SUMF1: variants seen among roughly 807,000 people sequenced by gnomAD.
SUMF1 encodes formylglycine-generating enzyme.
In SUMF1, 48 loss-of-function variants were observed where a neutral mutation model predicts 47.6. The ratio of observed to expected loss-of-function variants is 1.01; its 90% CI spans 0.80 to 1.28. The LOEUF (loss-of-function observed/expected upper bound fraction) is 1.28. Among genes scored for constraint, SUMF1 ranks in the 50% most tolerant of loss-of-function variants. The pLI is 0.00. For synonymous variants in SUMF1, 230 were observed against 192.1 expected (o/e 1.20, Z -1.63); for missense variants, 571 against 485.4 (o/e 1.18, Z -1.66).
At chr3:4,302,404 G>A (rs1697991130) in intron 8 of SUMF1, among the ~76,000 whole-genome samples, 2 of 152,130 alleles carry the variant, frequency 1.3e-5, no homozygotes, top group Non-Finnish European at 2.9e-5. Context: ...CAATAGAAAC[G>A]AATGTCTGGG....
In SUMF1 at chr3:4,420,014, C is replaced by T. The variant is rs711666; in HGVS notation, c.602+50G>A. The T allele has an allele frequency of 0.98, 1,452,905 of 1,485,362 alleles. 713,971 individuals are homozygous for T. Among genetic ancestry groups the T allele is most frequent in the Non-Finnish European group, 1 (1,061,594 of 1,063,322 alleles). 92.0% of individuals were successfully genotyped at this position (1,485,362 alleles called of 1,614,324 possible). On this transcript the variant is annotated intron_variant, in intron 4 of 8. Coordinates refer to ENST00000272902, the MANE Select transcript of SUMF1 (RefSeq NM_182760.4). ...AGTTCTTTTGCAAGAGCAAAGGGTA[C>T]CTATTTTGCAATGGAACTTGTCAAC... is the stretch of plus-strand genomic sequence containing the variant.
chr3:4,334,169 A>T (rs1235747665), intron 8 of SUMF1, among the ~76,000 whole-genome samples: 1 of 152,166 alleles, frequency 6.6e-6, no homozygotes, highest in Admixed American at 6.6e-5. Flanking sequence ...AAATTCCAAA[A>T]AACAGGAAAC....
intron 8 of SUMF1, among the ~76,000 whole-genome samples, chr3:4,354,817 AGGAAGCACTTATCCCAGTATCTG>A (rs372712241): frequency 2.0e-5 from 3 of 152,328 alleles, no homozygotes; most frequent in Middle Eastern, 3.4e-3. Flanking sequence ...ACAAGTACCT[AGGAAGCACTTATCCCAGTATCTG>A]GGAAGCACTT....
chr3:4,106,151 G>A (rs904281890), intron 8 of SUMF1, among the ~76,000 whole-genome samples: 2 of 151,854 alleles, frequency 1.3e-5, no homozygotes, highest in African/African-American at 4.8e-5. Context: ...TTTCTGTAGG[G>A]TTCCCGTGGC....
chr3:4,373,814 G>A (rs1355762439), intron 8 of SUMF1, among the ~76,000 whole-genome samples: 4 of 146,510 alleles, frequency 2.7e-5, no homozygotes, highest in East Asian at 3.9e-4. Context: ...ATCCAAAAAT[G>A]TATAAAAAAG....
chr3:4,303,280 A>T lies in SUMF1; in HGVS notation c.1014+73050T>A, dbSNP rs1362648894. On this transcript the variant is annotated intron_variant and NMD_transcript_variant, in intron 8 of 12. Transcript: ENST00000448413. ...TGAGAAGAAACGAACTACAATTCCC[A>T]TGAGGCGGTGGGGCCACGGGACCAC... 99 of 1,349,436 alleles carry T rather than the reference A, an allele frequency of 7.3e-5. 2 individuals carry two copies. In the Admixed American group the frequency reaches 3.7e-3, roughly 51 times the overall value. The allele number at this position is 1,349,436 out of a possible 1,614,324, so 83.6% of individuals were successfully genotyped here.
chr3:4,394,540 G>C (rs989712290), intron 7 of SUMF1, among the ~76,000 whole-genome samples: 1 of 152,194 alleles, frequency 6.6e-6, no homozygotes, highest in African/African-American at 2.4e-5. Context: ...GATTAAACTA[G>C]ATTGGATAAC....
intron 8 of SUMF1, among the ~76,000 whole-genome samples, chr3:4,333,855 T>C (rs1348659497): frequency 1.3e-5 from 2 of 151,722 alleles, no homozygotes; most frequent in African/African-American, 2.4e-5. Context: ...CAGCCAGGCA[T>C]AGTGGCTCAC....
At chr3:4,286,096 T>G (rs1697627499) in intron 8 of SUMF1, among the ~76,000 whole-genome samples, 1 of 152,144 alleles carries the variant, frequency 6.6e-6, no homozygotes, top group East Asian at 1.9e-4. Flanking sequence ...GTTATATGCT[T>G]AAATTATATA....
intron 8 of SUMF1, among the ~76,000 whole-genome samples, chr3:4,298,129 T>C (rs143363085): frequency 6.6e-6 from 1 of 152,316 alleles, no homozygotes; most frequent in East Asian, 1.9e-4. Context: ...CAATATTCAG[T>C]TCCAAAACCT....
At chr3:4,134,633 G>A (rs184435498) in intron 8 of SUMF1, among the ~76,000 whole-genome samples, 2 of 152,194 alleles carry the variant, frequency 1.3e-5, no homozygotes, top group African/African-American at 4.8e-5. Context: ...GAGCAGAACT[G>A]AAGGAAATAG....
At chr3:4,145,318 A>G (rs193058453) in intron 8 of SUMF1, among the ~76,000 whole-genome samples, 1 of 152,110 alleles carries the variant, frequency 6.6e-6, no homozygotes, top group African/African-American at 2.4e-5. Context: ...TTGGGTACCC[A>G]GTAAATATTT....
At chr3:4,457,415 C>T (rs2079692570) in intron 1 of SUMF1, among the ~76,000 whole-genome samples, 1 of 151,900 alleles carries the variant, frequency 6.6e-6, no homozygotes, top group Non-Finnish European at 1.5e-5. Context: ...ATTTGTACAG[C>T]ACAACAAAAG....
intron 8 of SUMF1, among the ~76,000 whole-genome samples, chr3:4,195,445 G>A (rs1307214152): frequency 6.6e-6 from 1 of 152,098 alleles, no homozygotes; most frequent in Non-Finnish European, 1.5e-5. Flanking sequence ...GGCAAGAGCT[G>A]TACCTAAAGC....
intron 8 of SUMF1, among the ~76,000 whole-genome samples, chr3:4,308,112 G>T (rs1698263049): frequency 6.6e-6 from 1 of 152,166 alleles, no homozygotes; most frequent in African/African-American, 2.4e-5. Context: ...AGACAGTAAG[G>T]TAATACTTGA....
intron 8 of SUMF1, among the ~76,000 whole-genome samples, chr3:4,210,435 T>C (rs1383260113): frequency 6.6e-6 from 1 of 152,062 alleles, no homozygotes; most frequent in African/African-American, 2.4e-5. Flanking sequence ...TATACACCAA[T>C]GGAACAGAAT....
At chr3:4,293,606 A>G (rs1370509035) in intron 8 of SUMF1, among the ~76,000 whole-genome samples, 1 of 152,226 alleles carries the variant, frequency 6.6e-6, no homozygotes, top group Non-Finnish European at 1.5e-5. Flanking sequence ...ACTCACAATT[A>G]GTAAAATTAT....
chr3:4,094,662 C>A (rs1692862854), intron 8 of SUMF1, among the ~76,000 whole-genome samples: 1 of 152,070 alleles, frequency 6.6e-6, no homozygotes, highest in East Asian at 1.9e-4. Flanking sequence ...ATAAATTATG[C>A]AATTGCCCTA....
At chr3:4,302,603 A>G (rs971166792) in intron 8 of SUMF1, among the ~76,000 whole-genome samples, 9 of 152,132 alleles carry the variant, frequency 5.9e-5, no homozygotes, top group Admixed American at 5.9e-4. Flanking sequence ...CCCCCTTCCC[A>G]TCATGGCCTG....
Sources: gnomAD v4.1 joint callset for allele counts (sites outside exome capture counted in the v4.1 genomes callset) on GRCh38, gnomAD v4.1.1 for gene constraint, MANE v1.5 for transcripts, NCBI Gene and HGNC (gene_info 2026-07-23, HGNC 2026-07-21) for gene names.